Variants in C10orf143 observed in about 807,000 individuals in gnomAD.
C10orf143 encodes the protein uncharacterized protein C10orf143.
intron 3 of C10orf143, among the ~76,000 whole-genome samples, chr10:130,068,891 G>A (rs1860985146): frequency 6.6e-6 from 1 of 151,974 alleles, no homozygotes; most frequent in African/African-American, 2.4e-5. Context: ...ACAGAGCTTC[G>A]AAGACACCTG....
At chr10:130,074,496 G>A (rs560662568) in intron 3 of C10orf143, among the ~76,000 whole-genome samples, 4 of 152,244 alleles carry the variant, frequency 2.6e-5, no homozygotes, top group African/African-American at 9.6e-5. Context: ...ACTGCGCATC[G>A]ATCTCTGTTC....
intron 3 of C10orf143, among the ~76,000 whole-genome samples, chr10:130,052,933 G>A (rs1590007243): frequency 6.6e-6 from 1 of 152,220 alleles, no homozygotes; most frequent in Non-Finnish European, 1.5e-5. Context: ...GTAAACCTTT[G>A]CAGCCAAACA....
intron 3 of C10orf143, among the ~76,000 whole-genome samples, chr10:130,046,502 G>T (rs1486047946): frequency 3.3e-5 from 5 of 152,224 alleles, no homozygotes; most frequent in Admixed American, 3.3e-4. Context: ...GAGTCTCGGG[G>T]TTACTGCAGG....
chr10:130,106,573 A>G, intron 1 of C10orf143: 1 of 1,560,684 alleles, frequency 6.4e-7, no homozygotes, highest in East Asian at 2.3e-5. Flanking sequence ...TACAGCCTCT[A>G]GCAGATGAGT....
At chr10:130,052,227 A>T (rs1454056763) in intron 3 of C10orf143, among the ~76,000 whole-genome samples, 2 of 151,796 alleles carry the variant, frequency 1.3e-5, no homozygotes, top group East Asian at 3.9e-4. Flanking sequence ...AGGAACCTGG[A>T]CGGGAGCCCG....
intron 3 of C10orf143, chr10:130,067,102 C>G (rs1206159074): frequency 2.0e-5 from 3 of 152,232 alleles, no homozygotes; most frequent in Admixed American, 2.0e-4. Flanking sequence ...CACCTGCTGC[C>G]CAGCGCCTTC....
At chr10:130,060,070 C>T (rs1261254951), downstream of C10orf143, among the ~76,000 whole-genome samples, 3 of 37,758 alleles carry the variant, frequency 7.9e-5, no homozygotes, top group Admixed American at 4.5e-4. Flanking sequence ...AACAGGCAGG[C>T]AGGACTGGCA....
At chr10:130,047,289 T>C (rs74761355) in intron 3 of C10orf143, among the ~76,000 whole-genome samples, 2,039 of 152,344 alleles carry the variant, frequency 0.013, 45 homozygotes, top group African/African-American at 0.046. Flanking sequence ...AGTGCTACAG[T>C]ACTGGCTGCA....
At position 130,107,432 on chromosome 10, in the gene C10orf143, T is replaced by C. The variant is rs746862449; in HGVS notation, c.69+3272A>G. ...TGAGAAAAAGGCACATCATAACTGG[T>C]TGGCAGCTTGGGCTGCTGAAAGAAA... On this transcript the variant is annotated intron_variant, in intron 1 of 3. Coordinates refer to ENST00000637128, the MANE Select transcript of C10orf143 (RefSeq NM_001355042.2). 6.7e-6 allele frequency: 9 copies of C among 1,341,340 alleles called. No homozygotes were observed. In the Admixed American group the frequency reaches 8.4e-5, roughly 13 times the overall value. The allele number at this position is 1,341,340 out of a possible 1,614,324, so 83.1% of individuals were successfully genotyped here.
chr10:130,044,107 A>G (rs192824695), intron 3 of C10orf143, among the ~76,000 whole-genome samples: 31 of 152,304 alleles, frequency 2.0e-4, no homozygotes, highest in African/African-American at 6.7e-4. Flanking sequence ...GGTTTCCTCC[A>G]GTCTGACCAG....
At chr10:130,073,619 G>T (rs966898140) in intron 3 of C10orf143, among the ~76,000 whole-genome samples, 6 of 149,690 alleles carry the variant, frequency 4.0e-5, no homozygotes, top group African/African-American at 7.4e-5. Context: ...TCAGCTGTGT[G>T]TTTTTTTTTT....
chr10:130,095,543 T>C (rs1861448690), intron 1 of C10orf143, among the ~76,000 whole-genome samples: 1 of 152,084 alleles, frequency 6.6e-6, no homozygotes, highest in South Asian at 2.1e-4. Flanking sequence ...CTTTAAACTA[T>C]ACTAAAGGCT....
At position 130,047,845 on chromosome 10, in the gene C10orf143, AT is replaced by A. The variant is rs35621926; in HGVS notation, c.298-11876del. Among the ~76,000 whole-genome samples the A allele has an allele frequency of 2.0e-3, 293 of 149,892 alleles. 1 individual carries two copies. Among genetic ancestry groups the A allele is most frequent in the African/African-American group, 4.9e-3 (202 of 40,870 alleles). ...ATTTCCATAAAGACCCACTGGAAAC[AT>A]TTTTTTTTTTCGGATTTATCACCAG... is the stretch of plus-strand genomic sequence containing the variant. On this transcript the variant is annotated intron_variant and NMD_transcript_variant, in intron 3 of 5. Coordinates refer to the C10orf143 transcript ENST00000643056.
chr10:130,050,536 TAAATA>T (rs1485330228), intron 3 of C10orf143, among the ~76,000 whole-genome samples: 4 of 152,162 alleles, frequency 2.6e-5, no homozygotes, highest in East Asian at 1.9e-4. Context: ...CATTCATACA[TAAATA>T]AAATAATCAG....
At chr10:130,045,543 A>G (rs1860657767) in intron 3 of C10orf143, among the ~76,000 whole-genome samples, 1 of 152,044 alleles carries the variant, frequency 6.6e-6, no homozygotes, top group Admixed American at 6.5e-5. Flanking sequence ...ACGCCCCAAA[A>G]CCGCGAGGCG....
chr10:130,058,560 A>G (rs1407902292), intron 3 of C10orf143, among the ~76,000 whole-genome samples: 1 of 147,114 alleles, frequency 6.8e-6, no homozygotes, highest in Non-Finnish European at 1.5e-5. Flanking sequence ...GGAAAAATGC[A>G]CTAGTAGGTT....
At chr10:130,050,217 C>T (rs554138875) in intron 3 of C10orf143, among the ~76,000 whole-genome samples, 1 of 152,384 alleles carries the variant, frequency 6.6e-6, no homozygotes, top group Non-Finnish European at 1.5e-5. Context: ...CTTCCACTCT[C>T]GCTGGCCCCG....
intron 1 of C10orf143, among the ~76,000 whole-genome samples, chr10:130,097,561 T>C (rs1861481909): frequency 6.6e-6 from 1 of 152,150 alleles, no homozygotes; most frequent in Non-Finnish European, 1.5e-5. Flanking sequence ...AAAATAAATT[T>C]ACCATAGAAA....
chr10:130,058,649 G>A (rs1337657790), intron 3 of C10orf143, among the ~76,000 whole-genome samples: 1 of 149,012 alleles, frequency 6.7e-6, no homozygotes, highest in African/African-American at 2.5e-5. Context: ...GAACCAAGAT[G>A]ATCTGGGATG....
Sources: gnomAD v4.1 joint callset for allele counts (sites outside exome capture counted in the v4.1 genomes callset) on GRCh38, gnomAD v4.1.1 for gene constraint, MANE v1.5 for transcripts, NCBI Gene and HGNC (gene_info 2026-07-23, HGNC 2026-07-21) for gene names.